The following MAGI2 variants were observed in gnomAD, a reference collection of about 807,000 sequenced individuals.
The protein encoded by MAGI2 is membrane-associated guanylate kinase, WW and PDZ domain-containing protein 2.
Under a neutral mutation model 133.3 loss-of-function variants are expected in MAGI2, and 35 were observed. That is an observed-to-expected ratio of 0.26 (90% confidence interval 0.20 to 0.35). The LOEUF is 0.35. MAGI2 is among the 10% of genes least tolerant of loss of function. The pLI, the probability that MAGI2 is intolerant of heterozygous loss-of-function variation, is 1.00. For missense variants in MAGI2, 1,636 were observed against 1,863.4 expected, an observed-to-expected ratio of 0.88 and a Z score of 2.25; for synonymous variants, 729 against 710.6, an observed-to-expected ratio of 1.03 and a Z score of -0.41.
chr7:78,735,897 T>C (rs1563430375), intron 2 of MAGI2, among the ~76,000 whole-genome samples: 1 of 152,154 alleles, frequency 6.6e-6, no homozygotes, highest in Non-Finnish European at 1.5e-5. Context: ...CAACAATTTG[T>C]ACAAGAAAGT....
chr7:79,317,492 C>T (rs1838830337), intron 1 of MAGI2, among the ~76,000 whole-genome samples: 1 of 152,056 alleles, frequency 6.6e-6, no homozygotes, highest in Non-Finnish European at 1.5e-5. Flanking sequence ...TAACGTGTTC[C>T]AAAATAAAAA....
intron 1 of MAGI2, among the ~76,000 whole-genome samples, chr7:79,168,401 G>A (rs1204348203): frequency 6.6e-6 from 1 of 152,058 alleles, no homozygotes; most frequent in Non-Finnish European, 1.5e-5. Context: ...TCAAATGTTA[G>A]TACTTCAGCT....
chr7:79,070,594 C>T (rs1814864981), intron 1 of MAGI2, among the ~76,000 whole-genome samples: 1 of 151,926 alleles, frequency 6.6e-6, no homozygotes, highest in Admixed American at 6.6e-5. Context: ...CGGGTTTACA[C>T]CATTCTCTTG....
intron 20 of MAGI2, among the ~76,000 whole-genome samples, chr7:78,112,445 GT>G (rs1355316542): frequency 6.6e-6 from 1 of 152,234 alleles, no homozygotes; most frequent in East Asian, 1.9e-4. Flanking sequence ...CAAAATCTTA[GT>G]TAGGCATATC....
At position 78,102,583 on chromosome 7, in the gene MAGI2, T is replaced by G. The variant is rs1356551395; in HGVS notation, c.3567+23111A>C. 3.3e-5 allele frequency among the ~76,000 whole-genome samples: 5 copies of G among 152,306 alleles called. No individual in the cohort carries two copies. The East Asian group carries it at 9.7e-4, about 29-fold the overall frequency. ...ACAAAAAGACAGTCCCAGACCCAAGTGACATCCCACAGCACTGTTGGCTTC... is the reference window on the plus strand; with the variant it reads ...ACAAAAAGACAGTCCCAGACCCAAGGGACATCCCACAGCACTGTTGGCTTC... On this transcript the variant is annotated intron_variant, in intron 20 of 21. Transcript: ENST00000354212.
chr7:78,318,274 C>A (rs909418591), intron 9 of MAGI2, among the ~76,000 whole-genome samples: 4 of 152,118 alleles, frequency 2.6e-5, no homozygotes, highest in African/African-American at 9.7e-5. Flanking sequence ...TAGAGAAGAA[C>A]ATAAATGACC....
chr7:78,758,594 G>T (rs1209441948), intron 2 of MAGI2, among the ~76,000 whole-genome samples: 1 of 152,164 alleles, frequency 6.6e-6, no homozygotes, highest in Non-Finnish European at 1.5e-5. Flanking sequence ...GCACATCTGT[G>T]TGAGAAGAAA....
chr7:78,197,737 C>G (rs906898363), intron 11 of MAGI2: 1 of 136,450 alleles, frequency 7.3e-6, no homozygotes, highest in African/African-American at 2.5e-5. Flanking sequence ...TCCTAAAAGG[C>G]TGTAAAGCAG....
chr7:78,757,305 T>TTCTCCCTCCTTC (rs376912813), intron 2 of MAGI2, among the ~76,000 whole-genome samples: 8 of 145,292 alleles, frequency 5.5e-5, no homozygotes, highest in Admixed American at 4.8e-4. Context: ...TTCTCCCTCC[T>TTCTCCCTCCTTC]TCTCTCTCTC....
chr7:78,502,641 AG>A (rs1224699560), intron 4 of MAGI2, among the ~76,000 whole-genome samples: 1 of 152,184 alleles, frequency 6.6e-6, no homozygotes, highest in Non-Finnish European at 1.5e-5. Flanking sequence ...ATTTTATCAT[AG>A]TTTTTTTGTA....
intron 4 of MAGI2, among the ~76,000 whole-genome samples, chr7:78,513,245 T>G: frequency 6.6e-6 from 1 of 152,158 alleles, no homozygotes; most frequent in Non-Finnish European, 1.5e-5. Flanking sequence ...TCTTGATAAT[T>G]CAAGAGCTAT....
chr7:78,547,618 C>T lies in MAGI2; in HGVS notation c.539-25973G>A, dbSNP rs891341898. Among the ~76,000 whole-genome samples, 10 of 152,238 alleles carry T rather than the reference C, an allele frequency of 6.6e-5. No individual in the cohort carries two copies. In the East Asian group the frequency reaches 1.9e-3, roughly 29 times the overall value. The stretch of plus-strand genomic sequence containing the variant: ...AGCTCAGGGTGTAAAGGAGGAACCA[C>T]CTTGGACAGGATGCCATTCTATCAC... On this transcript the variant is annotated intron_variant, in intron 3 of 21. Coordinates refer to ENST00000354212, the MANE Select transcript of MAGI2 (RefSeq NM_012301.4).
chr7:79,397,657 C>G (rs1247617724), intron 1 of MAGI2, among the ~76,000 whole-genome samples: 1 of 152,072 alleles, frequency 6.6e-6, no homozygotes, highest in Non-Finnish European at 1.5e-5. Context: ...TAGGTAATGA[C>G]TATCTCATAT....
At chr7:78,408,636 C>T (rs1047277115) in intron 6 of MAGI2, among the ~76,000 whole-genome samples, 1 of 151,996 alleles carries the variant, frequency 6.6e-6, no homozygotes, top group Non-Finnish European at 1.5e-5. Context: ...GGCAGTCTAG[C>T]CACATGTGGC....
chr7:78,030,551 G>A (rs561094777), intron 21 of MAGI2, among the ~76,000 whole-genome samples: 2 of 152,138 alleles, frequency 1.3e-5, no homozygotes, highest in Non-Finnish European at 2.9e-5. Flanking sequence ...CACTGCACCC[G>A]GCCTGAATCC....
chr7:79,396,407 G>A (rs960417141), intron 1 of MAGI2, among the ~76,000 whole-genome samples: 2 of 152,172 alleles, frequency 1.3e-5, no homozygotes, highest in Non-Finnish European at 2.9e-5. Flanking sequence ...TCTGCCTGGT[G>A]AGGGAGAGCC....
rs916318472 is a variant in MAGI2, at chr7:78,430,409, C to T, written c.1045+59352G>A. 6.6e-5 allele frequency among the ~76,000 whole-genome samples: 10 copies of T among 151,694 alleles called. No individual in the cohort carries two copies. In the East Asian group the frequency reaches 1.9e-3, roughly 29 times the overall value. On this transcript the variant is annotated intron_variant, in intron 6 of 21. Coordinates refer to ENST00000354212, the MANE Select transcript of MAGI2 (RefSeq NM_012301.4). ...TAGGCTTAATACAATCATAAATTAC[C>T]TTAGATGTCTGAGTGCAGTTCTAAT...
chr7:79,331,560 C>G (rs916269835), intron 1 of MAGI2, among the ~76,000 whole-genome samples: 5 of 152,052 alleles, frequency 3.3e-5, no homozygotes, highest in Admixed American at 1.3e-4. Flanking sequence ...TATTTACAGA[C>G]CAGAAAGACC....
At chr7:79,026,254 G>T (rs1048867640) in intron 1 of MAGI2, among the ~76,000 whole-genome samples, 1 of 152,130 alleles carries the variant, frequency 6.6e-6, no homozygotes, top group South Asian at 2.1e-4. Flanking sequence ...TACATGCAAA[G>T]TTGTCCATAA....
Sources: gnomAD v4.1 joint callset for allele counts (sites outside exome capture counted in the v4.1 genomes callset) on GRCh38, gnomAD v4.1.1 for gene constraint, MANE v1.5 for transcripts, NCBI Gene and HGNC (gene_info 2026-07-23, HGNC 2026-07-21) for gene names.